ELSPBP1: variants seen among roughly 807,000 people sequenced by gnomAD.
The protein encoded by ELSPBP1 is epididymal sperm-binding protein 1.
ELSPBP1 carries 38 observed loss-of-function variants against 33.3 expected under a neutral mutation model. That is an observed-to-expected ratio of 1.14 (90% CI 0.88 to 1.50). The LOEUF (loss-of-function observed/expected upper bound fraction) is 1.50, where lower values mean the gene tolerates loss of function less well. ELSPBP1 is among the 40% of genes most tolerant of loss of function. The pLI, the probability that ELSPBP1 is intolerant of heterozygous loss-of-function variation, is 0.00. For missense variants in ELSPBP1, 267 were observed against 263.5 expected, an observed-to-expected ratio of 1.01 and a Z score of -0.09; for synonymous variants, 85 against 94.1, an observed-to-expected ratio of 0.90 and a Z score of 0.56.
In ELSPBP1 at chr19:48,011,532, GATA is replaced by G. The variant is rs910400188; in HGVS notation, c.71-2636_71-2634del. Reference sequence around the variant, plus strand: ...GATGACAATGATGATGACAATGACTGATAATGATGACAATGATGATGATGACAA... The same window carrying G: ...GATGACAATGATGATGACAATGACTGATGATGACAATGATGATGATGACAA... On this transcript the variant is annotated intron_variant, in intron 2 of 6. Transcript: ENST00000339841. The surrounding 1 kb of genome is among the most constrained non-coding windows in gnomAD (Gnocchi z 4.5). Among the ~76,000 whole-genome samples, 55 of 151,508 alleles carry G rather than the reference GATA, an allele frequency of 3.6e-4. No homozygotes were observed. The highest frequency in any genetic ancestry group is 1.3e-3 in the African/African-American group (54 of 41,256).
intron 6 of ELSPBP1, among the ~76,000 whole-genome samples, chr19:48,024,060 T>C (rs1303040823): frequency 6.6e-6 from 1 of 150,740 alleles, no homozygotes; most frequent in Non-Finnish European, 1.5e-5. Flanking sequence ...TTTTTTGTAT[T>C]TTTAGTAGAG....
Position 48,015,962 on chromosome 19 carries a change from G to C in ELSPBP1, c.278G>C (p.Ser93Thr), listed in dbSNP as rs1218420281. ...KAYNSCISQG[S>T]FLGSLWCSVT... Reference sequence around the variant, plus strand: ...TATAACAGCTGCATCTCCCAGGGCAGCTTCTTAGGCAGTCTGTGGTGCTCA... The same window carrying C: ...TATAACAGCTGCATCTCCCAGGGCACCTTCTTAGGCAGTCTGTGGTGCTCA... Residue 93 changes from serine (S) to threonine (T), a missense_variant, in exon 4 of 7, where the codon AGC becomes ACC. By Grantham distance (58) the Ser-to-Thr change is moderately conservative (BLOSUM62 1). Transcript: ENST00000339841. 1 of 1,614,042 alleles carries C rather than the reference G, an allele frequency of 6.2e-7. No homozygotes were observed. Among genetic ancestry groups the C allele is most frequent in the South Asian group, 1.1e-5 (1 of 91,076 alleles).
chr19:48,020,725 C>T (rs1967189679), intron 5 of ELSPBP1, among the ~76,000 whole-genome samples: 1 of 152,180 alleles, frequency 6.6e-6, no homozygotes, highest in Non-Finnish European at 1.5e-5. Flanking sequence ...CCACTCTGCC[C>T]TTCTTCCCTA....
At chr19:48,007,316 C>T (rs1471794104) in intron 1 of ELSPBP1, among the ~76,000 whole-genome samples, 2 of 152,126 alleles carry the variant, frequency 1.3e-5, no homozygotes, top group African/African-American at 4.8e-5. Context: ...CTCTGAGATA[C>T]ATCACGTACC....
rs560686925 is a variant in ELSPBP1 at position 48,020,415 on chromosome 19, A to G, written c.514+538A>G. ...CTGCTAAAGTGCACCTGTTCACAGT[A>G]CAAGAGCTGAAGTGAGCCAAAAGAG... On this transcript the variant is annotated intron_variant, in intron 5 of 6. Coordinates refer to ENST00000339841, the MANE Select transcript of ELSPBP1 (RefSeq NM_022142.5). Among the ~76,000 whole-genome samples the G allele has an allele frequency of 3.3e-5, 5 of 152,366 alleles. No individual in the cohort carries two copies. In the East Asian group the frequency reaches 9.6e-4, roughly 29 times the overall value.
chr19:48,009,296 G>C (rs1967054591), intron 2 of ELSPBP1, among the ~76,000 whole-genome samples: 1 of 152,128 alleles, frequency 6.6e-6, no homozygotes, highest in Non-Finnish European at 1.5e-5. Flanking sequence ...TTATTTTGAA[G>C]ATCAAATAAA....
At chr19:48,004,449 G>A (rs1437557136) in intron 1 of ELSPBP1, among the ~76,000 whole-genome samples, 1 of 152,174 alleles carries the variant, frequency 6.6e-6, no homozygotes, top group Non-Finnish European at 1.5e-5. Context: ...GAGCCACTGT[G>A]CCCAGCCTGG....
At chr19:48,001,568 T>C (rs1411793331) in intron 1 of ELSPBP1, among the ~76,000 whole-genome samples, 1 of 151,878 alleles carries the variant, frequency 6.6e-6, no homozygotes, top group Non-Finnish European at 1.5e-5. Flanking sequence ...TCCACACTCC[T>C]TTTTTTGAGA....
Position 48,011,432 on chromosome 19 carries a change from A to G in ELSPBP1, c.70+2695A>G, listed in dbSNP as rs1162537612. On this transcript the variant is annotated intron_variant, in intron 2 of 6. Coordinates refer to ENST00000339841, the MANE Select transcript of ELSPBP1 (RefSeq NM_022142.5). This position sits in a 1 kb window ranked among gnomAD's most constrained non-coding sequence, Gnocchi z 4.5. ...TAATGATGTGATGAGGAGGAGAATA[A>G]TGATCACGATGACAGTGATGATGAT... Among the ~76,000 whole-genome samples the G allele has an allele frequency of 1.8e-5, 2 of 112,688 alleles. No homozygotes were observed. The highest frequency in any genetic ancestry group is 7.0e-5 in the African/African-American group (2 of 28,714). The allele number at this position is 112,688 out of a possible 152,430, so 73.9% of individuals were successfully genotyped here. A position where few individuals can be genotyped will look rare whatever the true frequency, so the allele number is the denominator to read the frequency against.
In ELSPBP1 at chr19:48,011,439, C is replaced by T. The variant is rs536758790; in HGVS notation, c.70+2702C>T. On this transcript the variant is annotated intron_variant, in intron 2 of 6. Transcript: ENST00000339841. This position sits in a 1 kb window ranked among gnomAD's most constrained non-coding sequence, Gnocchi z 4.5. ...GTGATGAGGAGGAGAATAATGATCACGATGACAGTGATGATGATGACAATG... is the reference window on the plus strand; with the variant it reads ...GTGATGAGGAGGAGAATAATGATCATGATGACAGTGATGATGATGACAATG... Among the ~76,000 whole-genome samples, 439 of 75,972 alleles carry T rather than the reference C, an allele frequency of 5.8e-3. 3 individuals carry two copies. Among genetic ancestry groups the T allele is most frequent in the African/African-American group, 0.021 (405 of 19,038 alleles). The allele number at this position is 75,972 out of a possible 152,430, so 49.8% of individuals were successfully genotyped here.
At chr19:48,022,365 A>T (rs1335735277) in intron 6 of ELSPBP1, 31 bp downstream of exon 6, 1 of 1,570,200 alleles carries the variant, frequency 6.4e-7, no homozygotes, top group Non-Finnish European at 8.6e-7. Context: ...TGGTCATTTC[A>T]CGGATGCAGA....
At chr19:48,008,140 C>T (rs1600104773) in intron 1 of ELSPBP1, among the ~76,000 whole-genome samples, 1 of 152,110 alleles carries the variant, frequency 6.6e-6, no homozygotes, top group South Asian at 2.1e-4. Flanking sequence ...CCTGTGCTTC[C>T]AGGCTACAAA....
intron 1 of ELSPBP1, 123 bp from the exon 2 acceptor site, chr19:48,008,528 C>T: frequency 1.5e-5 from 10 of 667,522 alleles, no homozygotes; most frequent in Non-Finnish European, 2.6e-5. Flanking sequence ...GCTACCATGC[C>T]TGGTCTATTT....
chr19:48,003,533 C>T (rs953096454), intron 1 of ELSPBP1, among the ~76,000 whole-genome samples: 1 of 136,334 alleles, frequency 7.3e-6, no homozygotes, highest in African/African-American at 2.6e-5. Flanking sequence ...AAATGCCACC[C>T]CTGCTCTTTT....
At chr19:48,020,901 C>T (rs879179255) in intron 5 of ELSPBP1, among the ~76,000 whole-genome samples, 3 of 152,126 alleles carry the variant, frequency 2.0e-5, no homozygotes, top group Admixed American at 6.5e-5. Flanking sequence ...GGGGTCAGTC[C>T]GAATAGCTGT....
chr19:48,019,945 C>T, intron 5 of ELSPBP1, 68 bp downstream of exon 5: 2 of 1,520,018 alleles, frequency 1.3e-6, no homozygotes, highest in Middle Eastern at 2.2e-4. Context: ...ACAAACACCT[C>T]CTGAAACCCC....
At chr19:48,021,300 C>G (rs1170295459) in intron 5 of ELSPBP1, among the ~76,000 whole-genome samples, 1 of 151,868 alleles carries the variant, frequency 6.6e-6, no homozygotes, top group Non-Finnish European at 1.5e-5. Flanking sequence ...CATTTCAGCT[C>G]TTGTACTGTG....
intron 1 of ELSPBP1, among the ~76,000 whole-genome samples, chr19:47,997,933 G>A (rs568622943): frequency 5.3e-5 from 8 of 152,300 alleles, no homozygotes; most frequent in African/African-American, 1.9e-4. Flanking sequence ...CACTTCCAGA[G>A]GTGATTGATA....
At chr19:47,995,267 A>C (rs1049821743) in intron 1 of ELSPBP1, among the ~76,000 whole-genome samples, 2 of 152,198 alleles carry the variant, frequency 1.3e-5, no homozygotes, top group Non-Finnish European at 2.9e-5. Context: ...TTTCTCTGTT[A>C]ATAAACTCAA....
Sources: allele counts gnomAD v4.1 joint callset (sites outside exome capture counted in the v4.1 genomes callset), GRCh38; gene constraint gnomAD v4.1.1; non-coding constraint Gnocchi (gnomAD v3.1); transcripts MANE v1.5; gene names NCBI Gene and HGNC (gene_info 2026-07-23, HGNC 2026-07-21).